BMP6: variants seen among roughly 807,000 people sequenced by gnomAD.
BMP6 encodes bone morphogenetic protein 6, also known as VG-1-R.
In BMP6, 17 loss-of-function variants were observed where a neutral mutation model predicts 54.1. The observed-to-expected ratio is 0.31, with a 90% CI of 0.22 to 0.47. The LOEUF is 0.47. Among genes scored for constraint, BMP6 ranks in the 20% least tolerant of loss-of-function variants. The pLI is 1.00. For synonymous variants in BMP6, 328 were observed against 291.2 expected, an observed-to-expected ratio of 1.13 and a Z score of -1.28; for missense variants, 720 against 690.4, an observed-to-expected ratio of 1.04 and a Z score of -0.48.
At chr6:7,779,299 T>C (rs1258133650) in intron 1 of BMP6, among the ~76,000 whole-genome samples, 2 of 152,188 alleles carry the variant, frequency 1.3e-5, no homozygotes, top group Non-Finnish European at 2.9e-5. Context: ...GGATTTAAGC[T>C]CTAGTAAGAT....
intron 4 of BMP6, among the ~76,000 whole-genome samples, chr6:7,873,532 C>G (rs1400420153): frequency 6.6e-6 from 1 of 152,122 alleles, no homozygotes; most frequent in East Asian, 1.9e-4. Context: ...TTTAATTGCT[C>G]TGCACAATTG....
At chr6:7,863,557 A>T (rs978400198) in intron 4 of BMP6, among the ~76,000 whole-genome samples, 2 of 152,118 alleles carry the variant, frequency 1.3e-5, no homozygotes, top group Admixed American at 1.3e-4. Context: ...TCCAACCTGA[A>T]GCACACTGCT....
At chr6:7,811,676 A>G (rs1331101872) in intron 1 of BMP6, among the ~76,000 whole-genome samples, 1 of 152,172 alleles carries the variant, frequency 6.6e-6, no homozygotes, top group Non-Finnish European at 1.5e-5. Flanking sequence ...CACAAGTAAC[A>G]CAGGGTATAA....
chr6:7,798,527 A>T (rs1758224362), intron 1 of BMP6, among the ~76,000 whole-genome samples: 3 of 152,116 alleles, frequency 2.0e-5, no homozygotes, highest in African/African-American at 2.4e-5. Flanking sequence ...AATGAGCAAA[A>T]CCACACTAAT....
chr6:7,849,763 T>G (rs1030967476), intron 2 of BMP6, among the ~76,000 whole-genome samples: 2 of 152,218 alleles, frequency 1.3e-5, no homozygotes, highest in African/African-American at 4.8e-5. Context: ...TCCTGTTTGG[T>G]CCATGAAGAT....
intron 1 of BMP6, among the ~76,000 whole-genome samples, chr6:7,841,133 T>G (rs895035392): frequency 6.6e-6 from 1 of 152,242 alleles, no homozygotes; most frequent in South Asian, 2.1e-4. Flanking sequence ...GAAATGTTAT[T>G]ATTTCAATTT....
chr6:7,744,386 G>T (rs1327000636), intron 1 of BMP6, among the ~76,000 whole-genome samples: 1 of 152,074 alleles, frequency 6.6e-6, no homozygotes, highest in Non-Finnish European at 1.5e-5. Context: ...TGAGGCAGGA[G>T]AATCACTTGA....
chr6:7,727,328 C>A lies in BMP6; in HGVS notation c.373C>A (p.Pro125Thr). The A allele has an allele frequency of 8.1e-6, 13 of 1,609,440 alleles. No homozygotes were observed. Among genetic ancestry groups the A allele is most frequent in the Non-Finnish European group, 1.1e-5 (13 of 1,178,630 alleles). The stretch of plus-strand genomic sequence containing the variant: ...GCAGCAGCTGCCTCGCGGAGAGCCC[C>A]CTCCCGGGCGACTGAAGTCCGCGCC... ...QQQQLPRGEP[P>T]PGRLKSAPLF... is the part of the protein sequence containing the mutation. The change falls in exon 1 of 7, where the codon CCT becomes ACT. Residue 125 changes from proline (P) to threonine (T), a missense_variant. Physicochemically the swap from Pro to Thr is conservative, Grantham distance 38. Transcript: ENST00000283147.
intron 1 of BMP6, among the ~76,000 whole-genome samples, chr6:7,759,446 C>T (rs1361210449): frequency 6.6e-6 from 1 of 152,146 alleles, no homozygotes; most frequent in Non-Finnish European, 1.5e-5. Flanking sequence ...CACTTTGGTT[C>T]TAGTCCTGGT....
intron 1 of BMP6, among the ~76,000 whole-genome samples, chr6:7,824,244 G>T (rs1470755607): frequency 6.6e-6 from 1 of 152,214 alleles, no homozygotes; most frequent in African/African-American, 2.4e-5. Context: ...GTCATGTTGT[G>T]GTTGGCTGAA....
intron 1 of BMP6, among the ~76,000 whole-genome samples, chr6:7,780,925 G>T (rs1021860625): frequency 4.6e-5 from 7 of 152,152 alleles, no homozygotes; most frequent in Middle Eastern, 3.4e-3. Context: ...TGCCCAGGCT[G>T]GTCTCAAACT....
At chr6:7,827,545 C>T (rs1758719114) in intron 1 of BMP6, among the ~76,000 whole-genome samples, 1 of 152,126 alleles carries the variant, frequency 6.6e-6, no homozygotes, top group African/African-American at 2.4e-5. Context: ...CTTCTCCAGC[C>T]CAGTATTTCC....
chr6:7,805,609 A>T (rs559651258), intron 1 of BMP6, among the ~76,000 whole-genome samples: 1 of 152,368 alleles, frequency 6.6e-6, no homozygotes, highest in East Asian at 1.9e-4. Flanking sequence ...TTAGAGTTTC[A>T]TAGAGGTTTC....
intron 1 of BMP6, among the ~76,000 whole-genome samples, chr6:7,730,742 A>C (rs1761839920): frequency 6.6e-6 from 1 of 152,212 alleles, no homozygotes; most frequent in Non-Finnish European, 1.5e-5. Flanking sequence ...GATACTAGAG[A>C]ATTACAGATT....
In BMP6 at chr6:7,778,970, C is replaced by T. The variant is rs1194125573; in HGVS notation, c.664+51351C>T. Among the ~76,000 whole-genome samples, 3 of 152,226 alleles carry T rather than the reference C, an allele frequency of 2.0e-5. 1 individual carries two copies. The highest frequency in any genetic ancestry group is 6.3e-3 in the Middle Eastern group (2 of 316). On this transcript the variant is annotated intron_variant, in intron 1 of 6. Transcript: ENST00000283147. The stretch of plus-strand genomic sequence containing the variant: ...ACTGAGGACAGGTGCTGTGCAACTT[C>T]TTTTTCACCAAGCTCACAGTCCACT...
At chr6:7,752,170 G>A (rs1033134585) in intron 1 of BMP6, among the ~76,000 whole-genome samples, 2 of 152,226 alleles carry the variant, frequency 1.3e-5, no homozygotes, top group East Asian at 3.8e-4. Context: ...CTTTGCAGGT[G>A]TGATCTTTGT....
At chr6:7,861,728 T>A (rs980862279) in intron 3 of BMP6, 129 bp downstream of exon 3, 1 of 1,354,044 alleles carries the variant, frequency 7.4e-7, no homozygotes, top group Non-Finnish European at 1.0e-6. Flanking sequence ...CATTTACTGA[T>A]CCCCCATGAC....
In BMP6 at chr6:7,727,445, G is replaced by C. The variant is rs761481081; in HGVS notation, c.490G>C (p.Glu164Gln). 6.2e-7 allele frequency: 1 copy of C among 1,602,190 alleles called. No individual in the cohort carries two copies. Among genetic ancestry groups the C allele is most frequent in the Non-Finnish European group, 8.5e-7 (1 of 1,176,666 alleles). The change falls in exon 1 of 7, where the codon GAA (glutamate) becomes CAA (glutamine). Residue 164 changes from glutamate (E) to glutamine (Q), a missense_variant. By Grantham distance (29) the Glu-to-Gln change is conservative (BLOSUM62 2). Around this residue, in one of 3 missense-constraint regions of BMP6, gnomAD observed 650 missense variants for 556.3 expected, o/e 1.17. Transcript: ENST00000283147. ...GGAGAGGCAGCAGTCCTGGCCCCAC[G>C]AAGCAGCCAGCTCGTCCCAGCGTCG... is the stretch of plus-strand genomic sequence containing the variant. ...EGERQQSWPH[E>Q]AASSSQRRQP...
chr6:7,792,732 GGTT>G (rs1460000122), intron 1 of BMP6, among the ~76,000 whole-genome samples: 3 of 152,178 alleles, frequency 2.0e-5, no homozygotes, highest in Non-Finnish European at 4.4e-5. Flanking sequence ...GGCAGGGAAT[GGTT>G]GTCAGATATG....
Sources: gnomAD v4.1 joint callset for allele counts (sites outside exome capture counted in the v4.1 genomes callset) on GRCh38, gnomAD v4.1.1 for gene constraint, gnomAD v4.1.1 regional missense constraint, MANE v1.5 for transcripts, NCBI Gene and HGNC (gene_info 2026-07-23, HGNC 2026-07-21) for gene names.